The following PRR14L variants were observed in gnomAD, a reference collection of about 807,000 sequenced individuals.
PRR14L encodes proline rich 14 like.
A neutral mutation model predicts 155.0 loss-of-function variants in PRR14L; 80 were observed. The ratio of observed to expected loss-of-function variants is 0.52; its 90% confidence interval spans 0.43 to 0.62. The LOEUF (loss-of-function observed/expected upper bound fraction) is 0.62, where lower values mean the gene tolerates loss of function less well. Among genes scored for constraint, PRR14L ranks in the 20% least tolerant of loss-of-function variants. PRR14L has a pLI of 0.00. For synonymous variants in PRR14L, 883 were observed against 916.0 expected (o/e 0.96, Z 0.65); for missense variants, 2,469 against 2,548.0 (o/e 0.97, Z 0.67).
At chr22:31,720,622 C>G (rs1037540431) in intron 3 of PRR14L, among the ~76,000 whole-genome samples, 2 of 152,172 alleles carry the variant, frequency 1.3e-5, no homozygotes, top group African/African-American at 2.4e-5. Context: ...GTAATCCCAG[C>G]TACTTGGGAA....
Position 31,717,250 on chromosome 22 carries a change from C to T in PRR14L, c.589G>A (p.Ala197Thr), listed in dbSNP as rs112700956. ...QITAETLLKS[A>T]EVQGMKVNGT... ...TTGACCTTCATACCTTGTACTTCGGCGGATTTTAGCAGAGTTTCAGCTGTA... is the reference window on the plus strand; with the variant it reads ...TTGACCTTCATACCTTGTACTTCGGTGGATTTTAGCAGAGTTTCAGCTGTA... The change falls in exon 4 of 9, where the codon GCC (alanine) becomes ACC (threonine). Residue 197 changes from alanine (A) to threonine (T), a missense_variant. Around this residue, in one of 2 missense-constraint regions of PRR14L, gnomAD observed 2,363 missense variants for 2,371.6 expected, o/e 1.00. Transcript: ENST00000327423. 262 of 1,551,144 alleles carry T rather than the reference C, an allele frequency of 1.7e-4. 1 individual carries two copies. Among genetic ancestry groups the T allele is most frequent in the Middle Eastern group, 5.0e-4 (3 of 5,992 alleles).
At chr22:31,726,383 G>A (rs894325643) in intron 2 of PRR14L, among the ~76,000 whole-genome samples, 3 of 151,452 alleles carry the variant, frequency 2.0e-5, no homozygotes, top group Non-Finnish European at 4.4e-5. Flanking sequence ...CACCTGCCTC[G>A]GCCTCCCAAA....
At chr22:31,723,953 G>A (rs1421519834) in intron 3 of PRR14L, among the ~76,000 whole-genome samples, 1 of 152,224 alleles carries the variant, frequency 6.6e-6, no homozygotes, top group Non-Finnish European at 1.5e-5. Flanking sequence ...AGTGAGCAAA[G>A]CTTCATCTGC....
Position 31,715,770 on chromosome 22 carries a change from T to C in PRR14L, c.2069A>G (p.His690Arg), listed in dbSNP as rs535932631. The change falls in exon 4 of 9, where the codon CAT becomes CGT. Residue 690 changes from histidine to arginine, a missense_variant. Physicochemically the swap from His to Arg is conservative, Grantham distance 29. This residue lies in a region of PRR14L where 2,363 missense variants were observed against 2,371.6 expected (regional missense o/e 1.00). Transcript: ENST00000327423. ...TGCTCTACCCTCTAATGGAGGGTGA[T>C]GGCTCTGATGGGCATCTCTGCCTGT... is the stretch of plus-strand genomic sequence containing the variant. ...LATGRDAHQS[H>R]HPPLEGRADV... The C allele has an allele frequency of 1.1e-4, 170 of 1,551,210 alleles. 4 individuals carry two copies. The South Asian group carries it at 1.9e-3, about 18-fold the overall frequency.
chr22:31,715,010 G>C lies in PRR14L; in HGVS notation c.2829C>G (p.Asp943Glu). 1 of 1,552,036 alleles carries C rather than the reference G, an allele frequency of 6.4e-7. No individual in the cohort carries two copies. Among genetic ancestry groups the C allele is most frequent in the Admixed American group, 2.0e-5 (1 of 50,990 alleles). The change falls in exon 4 of 9, where the codon GAC becomes GAG. Residue 943 changes from aspartate to glutamate, a missense_variant. Physicochemically the swap from Asp to Glu is conservative, Grantham distance 45. Coordinates refer to ENST00000327423, the MANE Select transcript of PRR14L (RefSeq NM_173566.3). ...TGGAGAACATAACAGTAGGAGACTG[G>C]TCCAACACTTTTTCAGGACCTGGAA... is the stretch of plus-strand genomic sequence containing the variant. ...VNIPGPEKVL[D>E]QSPTVMFSSF...
At chr22:31,747,220 C>T (rs937699164) in intron 1 of PRR14L, among the ~76,000 whole-genome samples, 7 of 151,986 alleles carry the variant, frequency 4.6e-5, no homozygotes, top group Admixed American at 3.3e-4. Context: ...AAGCGATTCT[C>T]CTGCCTCAGC....
rs1348790851 is a variant in PRR14L, at chr22:31,685,670, C to T, written c.6313G>A (p.Val2105Ile). Reference sequence around the variant, plus strand: ...CTGGTAAAGCTGCCTGCCACCTTGACTTTGCCTCGAGCTCTCCTCTTTCGC... The same window carrying T: ...CTGGTAAAGCTGCCTGCCACCTTGATTTTGCCTCGAGCTCTCCTCTTTCGC... Reference protein sequence around the residue: ...VPRKRRARGKVKVAGSFTRAQ... With the variant: ...VPRKRRARGKIKVAGSFTRAQ... Residue 2105 changes from valine to isoleucine, a missense_variant, in exon 9 of 9, where the codon GTC becomes ATC. By Grantham distance (29) the Val-to-Ile change is conservative. This residue lies in a region of PRR14L where 106 missense variants were observed against 176.4 expected (regional missense o/e 0.60). Coordinates refer to ENST00000327423, the MANE Select transcript of PRR14L (RefSeq NM_173566.3). 1.1e-5 allele frequency: 17 copies of T among 1,551,708 alleles called. No homozygotes were observed. In the Admixed American group the frequency reaches 2.9e-4, roughly 27 times the overall value.
At chr22:31,711,716 G>A (rs1459351136) in intron 4 of PRR14L, among the ~76,000 whole-genome samples, 1 of 149,370 alleles carries the variant, frequency 6.7e-6, no homozygotes. Flanking sequence ...CCCGGGAGGC[G>A]GAGGTTGCGG....
chr22:31,721,817 A>G lies in PRR14L; in HGVS notation c.547+3721T>C, dbSNP rs545624602. ...TATACCCCCAAACCATGCACATTAC[A>G]TATCAATTAAATAAAAGAATCCCAA... On this transcript the variant is annotated intron_variant, in intron 3 of 8. Coordinates refer to ENST00000327423, the MANE Select transcript of PRR14L (RefSeq NM_173566.3). Among the ~76,000 whole-genome samples, 18 of 152,332 alleles carry G rather than the reference A, an allele frequency of 1.2e-4. No individual in the cohort carries two copies. In the South Asian group the frequency reaches 3.5e-3, roughly 30 times the overall value.
At chr22:31,748,909 T>C (rs187134688) in intron 1 of PRR14L, among the ~76,000 whole-genome samples, 1 of 152,314 alleles carries the variant, frequency 6.6e-6, no homozygotes, top group African/African-American at 2.4e-5. Flanking sequence ...CTAAGGGGAC[T>C]GGAAGTGTCT....
intron 7 of PRR14L, among the ~76,000 whole-genome samples, chr22:31,701,345 G>T (rs2074562328): frequency 1.3e-5 from 2 of 152,120 alleles, no homozygotes; most frequent in Admixed American, 1.3e-4. Context: ...TTCCAGTTTA[G>T]TGCACAGAGT....
chr22:31,689,810 G>C (rs1450257669), intron 7 of PRR14L, among the ~76,000 whole-genome samples: 1 of 152,018 alleles, frequency 6.6e-6, no homozygotes, highest in Non-Finnish European at 1.5e-5. Context: ...GCAATGGCGC[G>C]ATCTCAGCTC....
chr22:31,694,976 G>A (rs932752133), intron 7 of PRR14L, among the ~76,000 whole-genome samples: 3 of 151,720 alleles, frequency 2.0e-5, no homozygotes, highest in Middle Eastern at 3.2e-3. Flanking sequence ...CCTGCTACTC[G>A]GGAGGCTGAG....
At chr22:31,701,208 G>GA (rs2074561543) in intron 7 of PRR14L, among the ~76,000 whole-genome samples, 1 of 151,278 alleles carries the variant, frequency 6.6e-6, no homozygotes, top group Non-Finnish European at 1.5e-5. Flanking sequence ...GGCTGGTCTC[G>GA]AACTCCCGAC....
intron 7 of PRR14L, among the ~76,000 whole-genome samples, chr22:31,694,272 G>T (rs1197644209): frequency 6.6e-6 from 1 of 152,132 alleles, no homozygotes; most frequent in Non-Finnish European, 1.5e-5. Context: ...GAGCCACTGC[G>T]CCTGGCCAGC....
chr22:31,696,842 C>A (rs756367807), intron 7 of PRR14L, among the ~76,000 whole-genome samples: 1 of 152,048 alleles, frequency 6.6e-6, no homozygotes, highest in African/African-American at 2.4e-5. Flanking sequence ...GGGCTGAGCA[C>A]GGTGGCTCAT....
At chr22:31,703,161 G>C (rs185643665) in intron 6 of PRR14L, among the ~76,000 whole-genome samples, 9 of 152,146 alleles carry the variant, frequency 5.9e-5, no homozygotes, top group African/African-American at 1.7e-4. Flanking sequence ...ATCAAAACAA[G>C]AATTGTACAT....
chr22:31,741,848 G>A (rs947422992), intron 1 of PRR14L, among the ~76,000 whole-genome samples: 7 of 152,182 alleles, frequency 4.6e-5, no homozygotes, highest in African/African-American at 1.7e-4. Context: ...CTCCAGCCTG[G>A]GTGACAGAGT....
At chr22:31,704,818 G>C (rs2074581425) in intron 4 of PRR14L, 92 bp from the exon 5 acceptor site, 1 of 863,292 alleles carries the variant, frequency 1.2e-6, no homozygotes, top group African/African-American at 1.7e-5. Context: ...GCACATGATA[G>C]CCCCAAGAAG....
Sources: gnomAD v4.1 joint callset for allele counts (sites outside exome capture counted in the v4.1 genomes callset) on GRCh38, gnomAD v4.1.1 for gene constraint, gnomAD v4.1.1 regional missense constraint, MANE v1.5 for transcripts, NCBI Gene and HGNC (gene_info 2026-07-23, HGNC 2026-07-21) for gene names.